Variants in PSMD8 observed in about 807,000 individuals in gnomAD.
PSMD8 encodes the protein 26S proteasome non-ATPase regulatory subunit 8.
PSMD8 carries 30 observed loss-of-function variants against 40.0 expected under a neutral mutation model. The ratio of observed to expected loss-of-function variants is 0.75; its 90% CI spans 0.56 to 1.02. The LOEUF (loss-of-function observed/expected upper bound fraction) is 1.02. PSMD8 is among the 50% of genes least tolerant of loss of function. The pLI is 0.00. For missense variants in PSMD8, 461 were observed against 463.9 expected (o/e 0.99, Z 0.06); for synonymous variants, 208 against 192.5 (o/e 1.08, Z -0.67).
chr19:38,382,546 GCA>G, intron 6 of PSMD8: 1 of 549,050 alleles, frequency 1.8e-6, no homozygotes, highest in Admixed American at 3.5e-5. Flanking sequence ...AGGCGTTTGA[GCA>G]CGAGCAACGC....
intron 5 of PSMD8, 162 bp downstream of exon 5, chr19:38,381,161 G>A (rs1970637820): frequency 3.4e-6 from 2 of 593,160 alleles, no homozygotes; most frequent in South Asian, 2.2e-5. Flanking sequence ...AATTGGGCCT[G>A]GTCATGGGAT....
In PSMD8 at chr19:38,383,252, G is replaced by T. The variant is rs1299917577; in HGVS notation, c.916-1G>T. On this transcript the variant is annotated splice_acceptor_variant, in intron 6 of 6. Transcript: ENST00000215071. LOFTEE classifies it high-confidence loss of function. ...CGTCTCTAATCCCTCCTTTCCTGCA[G>T]CGAGGGTGGGTCCTGGGCCCCAACA... 3 of 1,612,442 alleles carry T rather than the reference G, an allele frequency of 1.9e-6. No individual in the cohort carries two copies. Among genetic ancestry groups the T allele is most frequent in the Non-Finnish European group, 2.5e-6 (3 of 1,179,886 alleles).
chr19:38,374,786 G>T lies in PSMD8; in HGVS notation c.185G>T (p.Arg62Leu). Residue 62 changes from arginine to leucine, a missense_variant, in exon 1 of 7, where the codon CGC (arginine) becomes CTC (leucine). Around this residue, in one of 2 missense-constraint regions of PSMD8, gnomAD observed 225 missense variants for 142.7 expected, o/e 1.58. Coordinates refer to ENST00000215071, the MANE Select transcript of PSMD8 (RefSeq NM_002812.5). ...RKSGGLLAASRKMAAAAVNGA... is the reference protein window; with the variant it reads ...RKSGGLLAASLKMAAAAVNGA... Reference sequence around the variant, plus strand: ...TCAGGCGGTCTGCTTGCCGCATCACGCAAGATGGCGGCCGCGGCGGTGAAC... The same window carrying T: ...TCAGGCGGTCTGCTTGCCGCATCACTCAAGATGGCGGCCGCGGCGGTGAAC... 6.4e-7 allele frequency: 1 copy of T among 1,571,904 alleles called. No homozygotes were observed. Among genetic ancestry groups the T allele is most frequent in the Non-Finnish European group, 8.6e-7 (1 of 1,164,436 alleles).
At position 38,379,259 on chromosome 19, in the gene PSMD8, G is replaced by A. The variant is rs142934372; in HGVS notation, c.556G>A (p.Ala186Thr). The A allele has an allele frequency of 1.2e-6, 2 of 1,613,718 alleles. No homozygotes were observed. The highest frequency in any genetic ancestry group is 1.7e-5 in the Admixed American group (1 of 59,998). Residue 186 changes from alanine (A) to threonine (T), a missense_variant, in exon 4 of 7, where the codon GCC (alanine) becomes ACC (threonine). By Grantham distance (58) the Ala-to-Thr change is moderately conservative (BLOSUM62 0). This residue lies in a region of PSMD8 where 236 missense variants were observed against 321.2 expected (regional missense o/e 0.73). Transcript: ENST00000215071. Reference sequence around the variant, plus strand: ...CCACAGGGAGCAGCTCCCCGAGTCAGCCTATATGCACCAGCTCTTGGGCCT... The same window carrying A: ...CCACAGGGAGCAGCTCCCCGAGTCAACCTATATGCACCAGCTCTTGGGCCT... Reference protein sequence around the residue: ...FDYKEQLPESAYMHQLLGLNL... With the variant: ...FDYKEQLPESTYMHQLLGLNL...
In PSMD8 at chr19:38,383,672, G is replaced by A. The variant is rs1970663078; in HGVS notation, c.*282G>A. The A allele has an allele frequency of 2.2e-6, 1 of 465,100 alleles. No individual in the cohort carries two copies. Among genetic ancestry groups the A allele is most frequent in the Non-Finnish European group, 3.9e-6 (1 of 253,726 alleles). 28.8% of individuals were successfully genotyped at this position (465,100 alleles called of 1,614,324 possible). On this transcript the variant is annotated 3_prime_UTR_variant, in exon 7 of 7. Coordinates refer to ENST00000215071, the MANE Select transcript of PSMD8 (RefSeq NM_002812.5). Reference sequence around the variant, plus strand: ...GGCCCCAGCAGCACTGTGGCCTGCAGGAGGGCATGGCCCCAGGTAGGGGGA... The same window carrying A: ...GGCCCCAGCAGCACTGTGGCCTGCAAGAGGGCATGGCCCCAGGTAGGGGGA...
chr19:38,378,380 C>T (rs951955432), intron 3 of PSMD8, among the ~76,000 whole-genome samples: 10 of 151,606 alleles, frequency 6.6e-5, no homozygotes, highest in South Asian at 2.1e-4. Context: ...TGGTGGTGGG[C>T]GCCTGTAGTC....
At chr19:38,375,222 C>G (rs1477169015) in intron 1 of PSMD8, 26 of 533,502 alleles carry the variant, frequency 4.9e-5, no homozygotes, top group Non-Finnish European at 8.5e-5. Context: ...GGGGGAGCGT[C>G]GCTTGAGCCC....
chr19:38,379,833 T>C (rs1440771994), intron 4 of PSMD8, among the ~76,000 whole-genome samples: 1 of 152,224 alleles, frequency 6.6e-6, no homozygotes, highest in Non-Finnish European at 1.5e-5. Context: ...AACTGGCTTA[T>C]GCCTGTAATC....
chr19:38,379,710 G>A (rs907333392), intron 4 of PSMD8, among the ~76,000 whole-genome samples: 5 of 152,150 alleles, frequency 3.3e-5, no homozygotes, highest in African/African-American at 1.2e-4. Flanking sequence ...TGAGTGCTGT[G>A]GAGAAAAAGC....
rs886299908 is a variant in PSMD8, at chr19:38,383,397, CG to C, written c.*10del. ...GCTGGAGATGATCGTCTGAGCCCCCCGGGCACTGGGTGGGGCAGGGCACGAG... is the reference window on the plus strand; with the variant it reads ...GCTGGAGATGATCGTCTGAGCCCCCCGGCACTGGGTGGGGCAGGGCACGAG... On this transcript the variant is annotated 3_prime_UTR_variant, in exon 7 of 7. Transcript: ENST00000215071. 2 of 1,613,818 alleles carry C rather than the reference CG, an allele frequency of 1.2e-6. No individual in the cohort carries two copies. Among genetic ancestry groups the C allele is most frequent in the Non-Finnish European group, 1.7e-6 (2 of 1,179,872 alleles).
In PSMD8 at chr19:38,383,368, G is replaced by C. The variant is rs34847046; in HGVS notation, c.1031G>C (p.Arg344Pro). 1 of 1,613,756 alleles carries C rather than the reference G, an allele frequency of 6.2e-7. No individual in the cohort carries two copies. The highest frequency in any genetic ancestry group is 1.7e-5 in the Admixed American group (1 of 59,976). Residue 344 changes from arginine to proline, a missense_variant, in exon 7 of 7, where the codon CGG becomes CCG. By Grantham distance (103) the Arg-to-Pro change is moderately radical. Transcript: ENST00000215071. ...ELAKQVIEYA[R>P]QLEMIV ...GCCAAACAGGTCATCGAGTATGCCC[G>C]GCAGCTGGAGATGATCGTCTGAGCC... is the stretch of plus-strand genomic sequence containing the variant.
intron 3 of PSMD8, 24 bp downstream of exon 3, chr19:38,376,478 C>A: frequency 2.0e-6 from 3 of 1,521,806 alleles, no homozygotes; most frequent in Non-Finnish European, 1.8e-6. Flanking sequence ...CTGCCCCCAA[C>A]TGGGGGGGTG....
intron 3 of PSMD8, 112 bp from the exon 4 acceptor site, chr19:38,379,128 T>TA (rs1428741298): frequency 1.8e-6 from 2 of 1,115,600 alleles, no homozygotes; most frequent in Non-Finnish European, 2.5e-6. Context: ...CAGGACCTGA[T>TA]ACCTCTTCAG....
At position 38,374,784 on chromosome 19, in the gene PSMD8, A is replaced by T. The variant is rs771708323; in HGVS notation, c.183A>T (p.Ser61=). The T allele has an allele frequency of 3.0e-5, 47 of 1,572,230 alleles. 1 individual carries two copies. In the South Asian group the frequency reaches 5.4e-4, roughly 18 times the overall value. The change falls in exon 1 of 7, where the codon TCA becomes TCT. Residue 61 remains serine (S), a synonymous_variant. Transcript: ENST00000215071. ...AATCAGGCGGTCTGCTTGCCGCATC[A>T]CGCAAGATGGCGGCCGCGGCGGTGA... ...CRKSGGLLAA[S]RKMAAAAVNG... is the part of the protein sequence containing the mutation.
At chr19:38,380,689 T>TGA (rs374592990) in intron 4 of PSMD8, among the ~76,000 whole-genome samples, 250 of 101,578 alleles carry the variant, frequency 2.5e-3, no homozygotes, top group Middle Eastern at 6.2e-3. Flanking sequence ...GAAGAGGGGG[T>TGA]GAGAGAGAGA....
In PSMD8 at chr19:38,380,628, A is replaced by G. The variant is rs568143435; in HGVS notation, c.703-271A>G. ...TAGATGGATAATTGGACAGTAGATG[A>G]GATAATGAGATGCCAGCCCAGAGCA... On this transcript the variant is annotated intron_variant, in intron 4 of 6. Coordinates refer to ENST00000215071, the MANE Select transcript of PSMD8 (RefSeq NM_002812.5). Among the ~76,000 whole-genome samples, 4 of 133,902 alleles carry G rather than the reference A, an allele frequency of 3.0e-5. No homozygotes were observed. In the East Asian group the frequency reaches 1.1e-3, roughly 36 times the overall value. The allele number at this position is 133,902 out of a possible 152,430, so 87.8% of individuals were successfully genotyped here.
At position 38,379,651 on chromosome 19, in the gene PSMD8, G is replaced by A. The variant is rs115046283; in HGVS notation, c.702+246G>A. ...GTGGTGATGACACTGGGGTGTGGAA[G>A]CAGATAGTAAGCCCGAAGAGTGAGT... On this transcript the variant is annotated intron_variant, in intron 4 of 6. Coordinates refer to ENST00000215071, the MANE Select transcript of PSMD8 (RefSeq NM_002812.5). 6.7e-3 allele frequency among the ~76,000 whole-genome samples: 1,014 copies of A among 152,344 alleles called. 18 individuals are homozygous for A. The highest frequency in any genetic ancestry group is 0.023 in the African/African-American group (970 of 41,580).
intron 5 of PSMD8, among the ~76,000 whole-genome samples, chr19:38,381,524 A>G (rs770676248): frequency 6.6e-6 from 1 of 152,198 alleles, no homozygotes; most frequent in Non-Finnish European, 1.5e-5. Context: ...CAGAGCACCA[A>G]ATCAGAATGA....
Position 38,383,596 on chromosome 19 carries a change from CTCTG to C in PSMD8, c.*211_*214del. On this transcript the variant is annotated 3_prime_UTR_variant, in exon 7 of 7. Transcript: ENST00000215071. ...GGAGATAGCCTCCAACTGGGTCAGC[CTCTG>C]TCTGGTGGGCATTGCTCAGGGTCTC... The C allele has an allele frequency of 1.5e-6, 1 of 676,706 alleles. No individual in the cohort carries two copies. The highest frequency in any genetic ancestry group is 2.9e-5 in the Admixed American group (1 of 34,312). The allele number at this position is 676,706 out of a possible 1,614,324, so 41.9% of individuals were successfully genotyped here.
Sources: allele counts gnomAD v4.1 joint callset (sites outside exome capture counted in the v4.1 genomes callset), GRCh38; gene constraint gnomAD v4.1.1; regional missense constraint gnomAD v4.1.1; transcripts MANE v1.5; gene names NCBI Gene and HGNC (gene_info 2026-07-23, HGNC 2026-07-21).